Variants in C19orf44 observed in about 807,000 individuals in gnomAD.
The protein encoded by C19orf44 is chromosome 19 open reading frame 44, also known as uncharacterized protein C19orf44.
In C19orf44, 43 loss-of-function variants were observed where a neutral mutation model predicts 50.7. The ratio of observed to expected loss-of-function variants is 0.85; its 90% CI spans 0.66 to 1.09. C19orf44 has a LOEUF of 1.09. Ranked by LOEUF, C19orf44 falls within the 50% of genes least tolerant of loss-of-function variation. C19orf44 has a pLI of 0.00. For synonymous variants in C19orf44, 298 were observed against 334.7 expected (o/e 0.89, Z 1.20); for missense variants, 722 against 836.2 (o/e 0.86, Z 1.68).
rs775282607 is a variant in C19orf44, at chr19:16,519,249, G to A, written c.*41-845G>A. 22 of 1,614,020 alleles carry A rather than the reference G, an allele frequency of 1.4e-5. No individual in the cohort carries two copies. The highest frequency in any genetic ancestry group is 5.0e-5 in the Admixed American group (3 of 60,012). On this transcript the variant is annotated intron_variant, in intron 8 of 8. Coordinates refer to ENST00000221671, the MANE Select transcript of C19orf44 (RefSeq NM_032207.4). The surrounding 1 kb of genome is among the most constrained non-coding windows in gnomAD (Gnocchi z 6.0). ...TCTCATAGGGGTCATCCAGAGCCAC[G>A]CCCACGCCTTTATACTGGTCCCACT...
At chr19:16,518,890 T>C in intron 8 of C19orf44, 1 of 494,996 alleles carries the variant, frequency 2.0e-6, no homozygotes, top group African/African-American at 2.0e-5. Context: ...GTCTTGTGTT[T>C]TTTGCTTCGC....
Position 16,521,240 on chromosome 19 carries a change from T to G in C19orf44, c.*1187T>G. The G allele has an allele frequency of 1.8e-6, 1 of 568,348 alleles. No homozygotes were observed. Among genetic ancestry groups the G allele is most frequent in the Middle Eastern group, 4.7e-4 (1 of 2,138 alleles). The allele number at this position is 568,348 out of a possible 1,614,324, so 35.2% of individuals were successfully genotyped here. A position where few individuals can be genotyped will look rare whatever the true frequency, so the allele number is the denominator to read the frequency against. ...CAGCACAGGAAGGAGGGGTGACCAC[T>G]GGGAAGGGTGGGCTGAGGGCCCTGT... On this transcript the variant is annotated 3_prime_UTR_variant, in exon 9 of 9. Coordinates refer to ENST00000221671, the MANE Select transcript of C19orf44 (RefSeq NM_032207.4).
intron 5 of C19orf44, among the ~76,000 whole-genome samples, chr19:16,510,817 C>T (rs2093455092): frequency 6.6e-6 from 1 of 152,080 alleles, no homozygotes; most frequent in Non-Finnish European, 1.5e-5. Flanking sequence ...CTCACTGCAG[C>T]CTCAACCTCC....
chr19:16,515,026 G>C (rs2093467920), intron 7 of C19orf44, among the ~76,000 whole-genome samples: 1 of 152,208 alleles, frequency 6.6e-6, no homozygotes, highest in Non-Finnish European at 1.5e-5. Flanking sequence ...CGGCCCAGCT[G>C]TTCTCCTCAG....
At chr19:16,499,236 C>T (rs1457513521) in intron 1 of C19orf44, among the ~76,000 whole-genome samples, 2 of 152,000 alleles carry the variant, frequency 1.3e-5, no homozygotes, top group East Asian at 1.9e-4. Flanking sequence ...CAAGTTTATT[C>T]GGGAAACAGA....
chr19:16,500,392 G>T (rs1377920703), intron 1 of C19orf44, among the ~76,000 whole-genome samples: 1 of 148,542 alleles, frequency 6.7e-6, no homozygotes, highest in Non-Finnish European at 1.5e-5. Flanking sequence ...TCACTCTGTA[G>T]CCCAGGCTAG....
chr19:16,514,597 C>T lies in C19orf44; in HGVS notation c.1836C>T (p.His612=), dbSNP rs773498852. Residue 612 remains histidine, a synonymous_variant, in exon 7 of 9, where the codon CAC becomes CAT. Coordinates refer to ENST00000221671, the MANE Select transcript of C19orf44 (RefSeq NM_032207.4). Reference sequence around the variant, plus strand: ...TCATCCAGGCCAGCCGGCACCTGCACGCCTCCCTCCTGCGCTCCCTGGACG... The same window carrying T: ...TCATCCAGGCCAGCCGGCACCTGCATGCCTCCCTCCTGCGCTCCCTGGACG... ...QQFIQASRHL[H]ASLLRSLDAD... 1.8e-5 allele frequency: 29 copies of T among 1,605,278 alleles called. No homozygotes were observed. The highest frequency in any genetic ancestry group is 3.3e-4 in the Middle Eastern group (2 of 6,070).
At position 16,501,340 on chromosome 19, in the gene C19orf44, A is replaced by C. The variant is rs746569479; in HGVS notation, c.548A>C (p.Asn183Thr). ...AAGAAGAAACAAGCACCTGTTGAAA[A>C]CATATCCCCTGAAGCACCTGCTGGG... Reference protein sequence around the residue: ...FLKKKQAPVENISPEAPAGKE... With the variant: ...FLKKKQAPVETISPEAPAGKE... The change falls in exon 2 of 9, where the codon AAC becomes ACC. Residue 183 changes from asparagine to threonine, a missense_variant. Physicochemically the swap from Asn to Thr is moderately conservative, Grantham distance 65. Transcript: ENST00000221671. The C allele has an allele frequency of 9.3e-6, 15 of 1,613,566 alleles. No individual in the cohort carries two copies. The highest frequency in any genetic ancestry group is 1.7e-5 in the Admixed American group (1 of 59,934).
chr19:16,498,223 T>C (rs1175573789), intron 1 of C19orf44, among the ~76,000 whole-genome samples: 2 of 152,214 alleles, frequency 1.3e-5, no homozygotes, highest in Non-Finnish European at 2.9e-5. Context: ...AGGAACCAAC[T>C]GTTTTCCACA....
chr19:16,517,893 G>GTCTT (rs990973494), intron 8 of C19orf44: 4 of 152,192 alleles, frequency 2.6e-5, no homozygotes, highest in African/African-American at 9.7e-5. Flanking sequence ...CGGGAGAAAG[G>GTCTT]TCTTTAAAAA....
intron 2 of C19orf44, among the ~76,000 whole-genome samples, chr19:16,501,754 G>A (rs1279801148): frequency 6.6e-6 from 1 of 151,380 alleles, no homozygotes; most frequent in African/African-American, 2.4e-5. Flanking sequence ...ACCACGCCCA[G>A]CTAATTTTAT....
intron 2 of C19orf44, among the ~76,000 whole-genome samples, chr19:16,501,837 C>T (rs1043125772): frequency 4.0e-5 from 6 of 151,124 alleles, no homozygotes; most frequent in South Asian, 2.1e-4. Context: ...GTGATCTGCC[C>T]GCCTCAGCCT....
intron 7 of C19orf44, 49 bp from the exon 8 acceptor site, chr19:16,517,181 T>A (rs761390817): frequency 6.5e-7 from 1 of 1,540,124 alleles, no homozygotes; most frequent in African/African-American, 1.4e-5. Context: ...TGTCTCAGAG[T>A]GTACTGAGGT....
At position 16,503,451 on chromosome 19, in the gene C19orf44, G is replaced by A. The variant is rs1568493610; in HGVS notation, c.1075+71G>A. ...TGGGGCCACCTTTAGAGTCCCTGAC[G>A]CAGTGGTCATGGGGCATTGCCACAG... On this transcript the variant is annotated intron_variant, in intron 3 of 8. Coordinates refer to ENST00000221671, the MANE Select transcript of C19orf44 (RefSeq NM_032207.4). 1.6e-5 allele frequency: 23 copies of A among 1,473,978 alleles called. No homozygotes were observed. In the East Asian group the frequency reaches 1.8e-4, roughly 12 times the overall value. 91.3% of individuals were successfully genotyped at this position (1,473,978 alleles called of 1,614,324 possible).
intron 7 of C19orf44, among the ~76,000 whole-genome samples, chr19:16,515,099 G>A (rs1434850865): frequency 1.3e-5 from 2 of 152,130 alleles, no homozygotes; most frequent in African/African-American, 4.8e-5. Flanking sequence ...GCCAGGTGCC[G>A]TGGCTCACAC....
intron 1 of C19orf44, among the ~76,000 whole-genome samples, chr19:16,500,296 C>T (rs550394111): frequency 3.3e-5 from 5 of 151,618 alleles, no homozygotes; most frequent in South Asian, 4.2e-4. Flanking sequence ...AGGGATACCT[C>T]GATTTTCACA....
intron 7 of C19orf44, 22 bp downstream of exon 7, chr19:16,514,685 C>CA (rs1306945799): frequency 6.5e-7 from 1 of 1,544,038 alleles, no homozygotes; most frequent in South Asian, 1.2e-5. Context: ...TCCCCATGGG[C>CA]AGGGGCAGGG....
Position 16,509,979 on chromosome 19 carries a change from T to C in C19orf44, c.1630T>C (p.Trp544Arg), listed in dbSNP as rs1599735302. 4 of 1,614,148 alleles carry C rather than the reference T, an allele frequency of 2.5e-6. No homozygotes were observed. In the East Asian group the frequency reaches 6.7e-5, roughly 27 times the overall value. ...GCCAGATCCTGCCTTCACCTACGAG[T>C]GGACCAAGGGTAAGCCTTGGGGCCC... ...QTPDPAFTYE[W>R]TKVASMAAMG... The change falls in exon 5 of 9, where the codon TGG becomes CGG. Residue 544 changes from tryptophan to arginine, a missense_variant. Physicochemically the swap from Trp to Arg is moderately radical, Grantham distance 101. Coordinates refer to ENST00000221671, the MANE Select transcript of C19orf44 (RefSeq NM_032207.4).
intron 2 of C19orf44, 73 bp from the exon 3 acceptor site, chr19:16,502,992 A>C (rs866255904): frequency 7.3e-5 from 106 of 1,457,054 alleles, no homozygotes; most frequent in South Asian, 2.0e-4. Flanking sequence ...TTCTCAAAAA[A>C]AAAAAACAAA....
Sources: gnomAD v4.1 joint callset for allele counts (sites outside exome capture counted in the v4.1 genomes callset) on GRCh38, gnomAD v4.1.1 for gene constraint, Gnocchi (gnomAD v3.1) non-coding constraint, MANE v1.5 for transcripts, NCBI Gene and HGNC (gene_info 2026-07-23, HGNC 2026-07-21) for gene names.